Variants in MARF1 observed in about 807,000 individuals in gnomAD.
The protein encoded by MARF1 is limkain-b1.
In MARF1, 24 loss-of-function variants were observed where a neutral mutation model predicts 168.2. That is an observed-to-expected ratio of 0.14 (90% CI 0.10 to 0.20). The LOEUF is 0.20. Ranked by LOEUF, MARF1 falls within the 10% of genes least tolerant of loss-of-function variation. MARF1 has a pLI of 1.00. For missense variants in MARF1, 1,744 were observed against 2,143.6 expected (o/e 0.81, Z 3.68); for synonymous variants, 868 against 822.4 (o/e 1.06, Z -0.95).
chr16:15,619,307 G>C (rs1184973105), intron 13 of MARF1, among the ~76,000 whole-genome samples: 1 of 152,184 alleles, frequency 6.6e-6, no homozygotes, highest in African/African-American at 2.4e-5. Context: ...AAAAAAATTA[G>C]TTACCCACTC....
chr16:15,621,556 T>C (rs1434832616), intron 12 of MARF1, 177 bp downstream of exon 12: 12 of 635,840 alleles, frequency 1.9e-5, no homozygotes, highest in Non-Finnish European at 5.2e-6. Flanking sequence ...CTTTGATTAA[T>C]GACTTAGACA....
At chr16:15,606,092 G>A (rs1423544772) in intron 21 of MARF1, 1 of 152,282 alleles carries the variant, frequency 6.6e-6, no homozygotes, top group African/African-American at 2.4e-5. Context: ...CAAACCTCCT[G>A]AGCATCCCAC....
In MARF1 at chr16:15,613,684, T is replaced by TA. The variant is rs1555524007; in HGVS notation, c.3254-908dup. Among the ~76,000 whole-genome samples, 28 of 146,302 alleles carry TA rather than the reference T, an allele frequency of 1.9e-4. No homozygotes were observed. The East Asian group carries it at 3.5e-3, about 18-fold the overall frequency. Reference sequence around the variant, plus strand: ...CTCAATAAATAAATAAATAAATAAATAAATAAAATAAAATAAAATAAAATA... The same window carrying TA: ...CTCAATAAATAAATAAATAAATAAATAAAATAAAATAAAATAAAATAAAATA... On this transcript the variant is annotated intron_variant, in intron 16 of 26. Transcript: ENST00000396368.
chr16:15,642,977 A>G (rs1201000688), intron 1 of MARF1, 41 bp downstream of exon 1: 2 of 228,220 alleles, frequency 8.8e-6, no homozygotes, highest in Non-Finnish European at 1.8e-5. Context: ...CTCGGAGCAG[A>G]GCCTGCCGGG....
intron 2 of MARF1, among the ~76,000 whole-genome samples, chr16:15,636,659 T>C (rs1211246508): frequency 3.9e-5 from 6 of 152,184 alleles, no homozygotes; most frequent in Non-Finnish European, 7.3e-5. Context: ...AATTTCCCCT[T>C]GCCTCACAGA....
rs530156943 is a variant in MARF1, at chr16:15,627,015, A to G, written c.1525-1215T>C. Among the ~76,000 whole-genome samples the G allele has an allele frequency of 2.7e-5, 4 of 148,424 alleles. No individual in the cohort carries two copies. The East Asian group carries it at 7.8e-4, about 29-fold the overall frequency. ...GAAGGAAGTAGAACTGGAGAAAAAG[A>G]AAGAAAAGAGAGAGAGAGAGAGAAA... On this transcript the variant is annotated intron_variant, in intron 7 of 26. Coordinates refer to ENST00000396368, the MANE Select transcript of MARF1 (RefSeq NM_014647.4).
At position 15,631,453 on chromosome 16, in the gene MARF1, C is replaced by T; in HGVS notation, c.1279G>A (p.Asp427Asn). The change falls in exon 6 of 27, where the codon GAT (aspartate) becomes AAT (asparagine). Residue 427 changes from aspartate (D) to asparagine (N), a missense_variant. Coordinates refer to ENST00000396368, the MANE Select transcript of MARF1 (RefSeq NM_014647.4). ...INATAKNAAD[D>N]KLRQSLRRFA... is the part of the protein sequence containing the mutation. The stretch of plus-strand genomic sequence containing the variant: ...CTGCGGAGACTCTGCCGCAGTTTAT[C>T]ATCAGCGGCATTCTTTGCAGTAGCA... 1 of 1,613,366 alleles carries T rather than the reference C, an allele frequency of 6.2e-7. No individual in the cohort carries two copies. The highest frequency in any genetic ancestry group is 8.5e-7 in the Non-Finnish European group (1 of 1,179,436).
intron 1 of MARF1, among the ~76,000 whole-genome samples, chr16:15,641,897 A>T (rs2035998091): frequency 2.0e-5 from 3 of 152,212 alleles, no homozygotes; most frequent in Non-Finnish European, 1.5e-5. Context: ...AGCCAAAAGC[A>T]GGTTCTGTTT....
At position 15,630,319 on chromosome 16, in the gene MARF1, C is replaced by T; in HGVS notation, c.1524+13G>A. ...ATATTGGAAAATGGCAAAAATAACG[C>T]AAACCCACTTACTGGCATTTTTAGT... On this transcript the variant is annotated intron_variant, in intron 7 of 26. Coordinates refer to ENST00000396368, the MANE Select transcript of MARF1 (RefSeq NM_014647.4). 1 of 1,588,966 alleles carries T rather than the reference C, an allele frequency of 6.3e-7. No individual in the cohort carries two copies. The highest frequency in any genetic ancestry group is 8.6e-7 in the Non-Finnish European group (1 of 1,163,564).
intron 13 of MARF1, among the ~76,000 whole-genome samples, chr16:15,619,650 A>AT (rs2034308164): frequency 6.6e-6 from 1 of 152,158 alleles, no homozygotes; most frequent in Non-Finnish European, 1.5e-5. Flanking sequence ...GTCCATAAGG[A>AT]TTCACGAGCA....
intron 26 of MARF1, among the ~76,000 whole-genome samples, chr16:15,597,743 CTT>C (rs2031892123): frequency 6.6e-6 from 1 of 152,156 alleles, no homozygotes; most frequent in South Asian, 2.1e-4. Context: ...ATTTTCCTCT[CTT>C]GTCCGGTGCA....
intron 22 of MARF1, 145 bp from the exon 23 acceptor site, chr16:15,602,348 A>C (rs1161740490): frequency 1.4e-5 from 9 of 654,424 alleles, no homozygotes; most frequent in Middle Eastern, 5.0e-4. Flanking sequence ...GAGAAGATGA[A>C]GATGAAGAAG....
At chr16:15,636,933 T>C (rs1328761264) in intron 2 of MARF1, among the ~76,000 whole-genome samples, 2 of 152,114 alleles carry the variant, frequency 1.3e-5, no homozygotes, top group Non-Finnish European at 2.9e-5. Flanking sequence ...ATAATGACAA[T>C]TATATTGCAG....
intron 22 of MARF1, among the ~76,000 whole-genome samples, chr16:15,603,559 T>A (rs2032722890): frequency 1.3e-5 from 2 of 152,196 alleles, no homozygotes; most frequent in Non-Finnish European, 2.9e-5. Context: ...TCCTGATGCC[T>A]TTTTCACTGG....
At chr16:15,613,661 CAATA>C (rs59529278) in intron 16 of MARF1, among the ~76,000 whole-genome samples, 15 of 126,654 alleles carry the variant, frequency 1.2e-4, no homozygotes, top group South Asian at 5.4e-4. Flanking sequence ...GATTCCGTCT[CAATA>C]AATAAATAAA....
At chr16:15,619,426 T>C (rs2034293987) in intron 13 of MARF1, among the ~76,000 whole-genome samples, 1 of 152,202 alleles carries the variant, frequency 6.6e-6, no homozygotes, top group African/African-American at 2.4e-5. Context: ...CTCTGCCTCC[T>C]TCTCTCCCCT....
intron 2 of MARF1, 129 bp downstream of exon 2, chr16:15,638,961 A>G (rs1225411220): frequency 1.2e-6 from 1 of 867,616 alleles, no homozygotes; most frequent in Non-Finnish European, 1.7e-6. Flanking sequence ...ATAAGAGGCA[A>G]TACAGGCAAG....
intron 6 of MARF1, among the ~76,000 whole-genome samples, chr16:15,630,936 G>A (rs896202902): frequency 5.3e-5 from 8 of 151,940 alleles, no homozygotes; most frequent in African/African-American, 1.9e-4. Flanking sequence ...TTTGAGACCA[G>A]CCTGACCAAC....
intron 22 of MARF1, chr16:15,602,462 A>G (rs1208848167): frequency 3.3e-6 from 2 of 601,416 alleles, no homozygotes; most frequent in Admixed American, 3.2e-5. Context: ...TAAAGACGAC[A>G]AAGATGAAGA....
Sources: allele counts gnomAD v4.1 joint callset (sites outside exome capture counted in the v4.1 genomes callset), GRCh38; gene constraint gnomAD v4.1.1; transcripts MANE v1.5; gene names NCBI Gene and HGNC (gene_info 2026-07-23, HGNC 2026-07-21).